PTPN5: variants seen among roughly 807,000 people sequenced by gnomAD.
PTPN5 encodes tyrosine-protein phosphatase non-receptor type 5.
A neutral mutation model predicts 73.9 loss-of-function variants in PTPN5; 29 were observed. That is an observed-to-expected ratio of 0.39 (90% CI 0.29 to 0.54). The LOEUF is 0.54. Among genes scored for constraint, PTPN5 ranks in the 20% least tolerant of loss-of-function variants. The probability of loss-of-function intolerance (pLI) is 0.65; values close to 1 mark genes in which losing one functional copy is unlikely to be tolerated. For synonymous variants in PTPN5, 267 were observed against 304.7 expected (o/e 0.88, Z 1.29); for missense variants, 652 against 751.4 (o/e 0.87, Z 1.55).
intron 3 of PTPN5, among the ~76,000 whole-genome samples, chr11:18,757,674 C>G (rs1272719238): frequency 1.3e-5 from 2 of 152,162 alleles, no homozygotes; most frequent in South Asian, 4.1e-4. Flanking sequence ...CCCATCTACC[C>G]AAGTGCTCAT....
intron 2 of PTPN5, among the ~76,000 whole-genome samples, chr11:18,768,344 A>G (rs1850728684): frequency 6.6e-6 from 1 of 152,180 alleles, no homozygotes. Context: ...GACTTGCCCC[A>G]CATTTTATAC....
intron 3 of PTPN5, among the ~76,000 whole-genome samples, chr11:18,756,002 T>TAA (rs532445728): frequency 0.65 from 73,946 of 113,192 alleles, 23,349 homozygotes; most frequent in Middle Eastern, 0.81. Context: ...AGACTCTAAA[T>TAA]AAAAAAAAAA....
intron 4 of PTPN5, 94 bp from the exon 5 acceptor site, chr11:18,743,523 A>T: frequency 8.8e-7 from 1 of 1,142,366 alleles, no homozygotes; most frequent in East Asian, 2.4e-5. Context: ...CTGGCCCTGC[A>T]TGGAGGCTCC....
intron 3 of PTPN5, among the ~76,000 whole-genome samples, chr11:18,747,020 T>C (rs1849674024): frequency 1.3e-5 from 2 of 152,200 alleles, no homozygotes; most frequent in African/African-American, 4.8e-5. Context: ...TTCTTCTCCC[T>C]GGGTCTCAGT....
Position 18,728,861 on chromosome 11 carries a change from C to G in PTPN5, c.*73G>C. 6.7e-7 allele frequency: 1 copy of G among 1,483,534 alleles called. No homozygotes were observed. Among genetic ancestry groups the G allele is most frequent in the African/African-American group, 1.4e-5 (1 of 71,352 alleles). 91.9% of individuals were successfully genotyped at this position (1,483,534 alleles called of 1,614,324 possible). A position where few individuals can be genotyped will look rare whatever the true frequency, so the allele number is the denominator to read the frequency against. ...GGAAGCGGGGAGCAGGCCCAGGACC[C>G]GAGGCAGGGCCCTGGGTGAGGGCCG... On this transcript the variant is annotated 3_prime_UTR_variant, in exon 15 of 15. Transcript: ENST00000358540. The surrounding 1 kb of genome is among the most constrained non-coding windows in gnomAD (Gnocchi z 4.1).
rs1174073374 is a variant in PTPN5 at position 18,737,869 on chromosome 11, T to A, written c.1000+11A>T. 4 of 1,612,112 alleles carry A rather than the reference T, an allele frequency of 2.5e-6. No homozygotes were observed. In the East Asian group the frequency reaches 8.9e-5, roughly 36 times the overall value. ...GCCTGCCCCCATCCCTCTGGGACAG[T>A]GAGTACTCACTGGGAAGTATGGTTT... On this transcript the variant is annotated intron_variant, in intron 9 of 14. Coordinates refer to ENST00000358540, the MANE Select transcript of PTPN5 (RefSeq NM_006906.2).
intron 8 of PTPN5, among the ~76,000 whole-genome samples, chr11:18,740,180 G>T (rs1041952827): frequency 2.6e-5 from 4 of 152,132 alleles, no homozygotes; most frequent in Non-Finnish European, 5.9e-5. Flanking sequence ...AGGGCCCCAG[G>T]GGTGGTAACG....
intron 9 of PTPN5, among the ~76,000 whole-genome samples, chr11:18,737,304 C>T (rs1452973758): frequency 2.0e-5 from 3 of 152,194 alleles, no homozygotes; most frequent in Non-Finnish European, 4.4e-5. Context: ...GGGGACTGCT[C>T]GTGCCGCCTC....
At chr11:18,751,858 A>T (rs1231472483) in intron 3 of PTPN5, among the ~76,000 whole-genome samples, 2 of 152,206 alleles carry the variant, frequency 1.3e-5, no homozygotes, top group Admixed American at 1.3e-4. Context: ...GGTGGCATCT[A>T]TGTGCCCTCT....
intron 3 of PTPN5, among the ~76,000 whole-genome samples, chr11:18,753,754 G>A (rs1422726759): frequency 6.6e-6 from 1 of 152,178 alleles, no homozygotes; most frequent in Non-Finnish European, 1.5e-5. Flanking sequence ...GGGGGTAGGG[G>A]AGTAGAGACA....
chr11:18,788,099 C>T (rs2134378160), intron 1 of PTPN5, among the ~76,000 whole-genome samples: 1 of 152,300 alleles, frequency 6.6e-6, no homozygotes, highest in South Asian at 2.1e-4. Context: ...TTCTTCCCTC[C>T]TGTTAGTGCC....
At chr11:18,749,496 A>G in intron 3 of PTPN5, 1 of 518,846 alleles carries the variant, frequency 1.9e-6, no homozygotes, top group Non-Finnish European at 3.8e-6. Context: ...GGTGGGGGGC[A>G]GAACCTTGAA....
intron 3 of PTPN5, among the ~76,000 whole-genome samples, chr11:18,764,933 C>A (rs959219385): frequency 6.6e-6 from 1 of 152,068 alleles, no homozygotes; most frequent in East Asian, 1.9e-4. Context: ...AGGATGGTCT[C>A]GATCTCCTGA....
intron 3 of PTPN5, among the ~76,000 whole-genome samples, chr11:18,763,204 G>C (rs776880161): frequency 1.3e-5 from 2 of 152,178 alleles, no homozygotes; most frequent in Non-Finnish European, 2.9e-5. Flanking sequence ...GACACAGATA[G>C]GGACAGGCAC....
intron 1 of PTPN5, among the ~76,000 whole-genome samples, chr11:18,783,835 T>G (rs966807702): frequency 6.6e-6 from 1 of 152,212 alleles, no homozygotes; most frequent in South Asian, 2.1e-4. Context: ...AATACTTGCA[T>G]GCTTGAATCA....
intron 1 of PTPN5, among the ~76,000 whole-genome samples, chr11:18,774,238 T>C (rs1485972755): frequency 6.6e-6 from 1 of 152,226 alleles, no homozygotes; most frequent in Non-Finnish European, 1.5e-5. Flanking sequence ...TTGACTATCA[T>C]GGTGACTGGT....
intron 1 of PTPN5, among the ~76,000 whole-genome samples, chr11:18,778,141 T>C (rs1851257368): frequency 1.3e-5 from 2 of 152,152 alleles, no homozygotes; most frequent in African/African-American, 4.8e-5. Flanking sequence ...GTCCAGAGTT[T>C]TGCTCAATCT....
chr11:18,757,268 T>A (rs1850199826), intron 3 of PTPN5, among the ~76,000 whole-genome samples: 1 of 152,218 alleles, frequency 6.6e-6, no homozygotes, highest in Non-Finnish European at 1.5e-5. Context: ...AAATGCCTCA[T>A]GGGAGGGATG....
intron 3 of PTPN5, among the ~76,000 whole-genome samples, chr11:18,748,514 G>T (rs973513257): frequency 2.6e-5 from 4 of 152,142 alleles, no homozygotes; most frequent in Non-Finnish European, 2.9e-5. Context: ...GATTTATTTA[G>T]ATATTTTTCT....
Sources: gnomAD v4.1 joint callset for allele counts (sites outside exome capture counted in the v4.1 genomes callset) on GRCh38, gnomAD v4.1.1 for gene constraint, Gnocchi (gnomAD v3.1) non-coding constraint, MANE v1.5 for transcripts, NCBI Gene and HGNC (gene_info 2026-07-23, HGNC 2026-07-21) for gene names.